Variants in ATP6V1H observed in about 807,000 individuals in gnomAD.
ATP6V1H encodes the protein V-type proton ATPase subunit H.
Under a neutral mutation model 71.7 loss-of-function variants are expected in ATP6V1H, and 39 were observed. The ratio of observed to expected loss-of-function variants is 0.54; its 90% CI spans 0.42 to 0.71. The LOEUF (loss-of-function observed/expected upper bound fraction) is 0.71. ATP6V1H is among the 30% of genes least tolerant of loss of function. ATP6V1H has a pLI of 0.00. For missense variants in ATP6V1H, 509 were observed against 594.9 expected (o/e 0.86, Z 1.50); for synonymous variants, 192 against 199.3 (o/e 0.96, Z 0.31).
At chr8:53,828,147 A>T (rs898424857) in intron 4 of ATP6V1H, among the ~76,000 whole-genome samples, 3 of 152,164 alleles carry the variant, frequency 2.0e-5, no homozygotes, top group African/African-American at 7.2e-5. Flanking sequence ...TGCTGGGTCA[A>T]ATGGTAGTTC....
intron 12 of ATP6V1H, among the ~76,000 whole-genome samples, chr8:53,755,703 TATATATATATATATATATATATATATA>T (rs1807999487): frequency 2.8e-4 from 1 of 3,546 alleles, no homozygotes; most frequent in African/African-American, 9.4e-4. Context: ...TATATATATA[TATATATATATATATATATATATATATA>T]TATATATATA....
chr8:53,781,929 T>C (rs1809150843), intron 9 of ATP6V1H, among the ~76,000 whole-genome samples: 1 of 152,224 alleles, frequency 6.6e-6, no homozygotes, highest in Admixed American at 6.5e-5. Context: ...TACCATGCTG[T>C]TTTGGTTACT....
chr8:53,812,906 G>T (rs1810326967), intron 6 of ATP6V1H, among the ~76,000 whole-genome samples: 1 of 152,078 alleles, frequency 6.6e-6, no homozygotes, highest in Non-Finnish European at 1.5e-5. Context: ...TGTTGCCCAG[G>T]CTGGTCTCAA....
intron 9 of ATP6V1H, among the ~76,000 whole-genome samples, chr8:53,785,921 G>A (rs528717703): frequency 2.2e-4 from 34 of 152,266 alleles, no homozygotes; most frequent in African/African-American, 2.6e-4. Flanking sequence ...AGGAGTACCC[G>A]GCTGTGTGAG....
chr8:53,769,378 A>G (rs1222148043), intron 11 of ATP6V1H, among the ~76,000 whole-genome samples: 1 of 152,166 alleles, frequency 6.6e-6, no homozygotes, highest in Non-Finnish European at 1.5e-5. Context: ...CAACAACTTC[A>G]TGTTCAGAAT....
chr8:53,723,652 A>G (rs540320599), intron 13 of ATP6V1H, among the ~76,000 whole-genome samples: 1 of 152,094 alleles, frequency 6.6e-6, no homozygotes, highest in Admixed American at 6.5e-5. Context: ...GGATCTCCCT[A>G]CCTGGATGTG....
chr8:53,843,022 G>A lies in ATP6V1H; in HGVS notation c.-36+12C>T, dbSNP rs1811395705. On this transcript the variant is annotated intron_variant, in intron 1 of 13. Transcript: ENST00000359530. ...TGCAGCCTGAGACCAAACAACGCGAGGGCGGCCTTACCTCGCGAATCCTCG... is the reference window on the plus strand; with the variant it reads ...TGCAGCCTGAGACCAAACAACGCGAAGGCGGCCTTACCTCGCGAATCCTCG... The A allele has an allele frequency of 6.6e-6, 1 of 152,294 alleles. No individual in the cohort carries two copies. The highest frequency in any genetic ancestry group is 2.4e-5 in the African/African-American group (1 of 41,452). The allele number at this position is 152,294 out of a possible 1,614,324, so 9.4% of individuals were successfully genotyped here. A position where few individuals can be genotyped will look rare whatever the true frequency, so the allele number is the denominator to read the frequency against.
chr8:53,771,867 G>A (rs757535483), intron 10 of ATP6V1H, 122 bp downstream of exon 10: 190 of 815,566 alleles, frequency 2.3e-4, no homozygotes, highest in East Asian at 6.4e-4. Flanking sequence ...AGACATTAAC[G>A]TATTTTAGTG....
intron 9 of ATP6V1H, among the ~76,000 whole-genome samples, chr8:53,784,959 C>A (rs1409549893): frequency 1.3e-5 from 2 of 152,156 alleles, no homozygotes; most frequent in East Asian, 3.9e-4. Context: ...TTCTCTCTGG[C>A]TGCCCTTAAC....
chr8:53,802,395 C>T (rs184693069), intron 7 of ATP6V1H, among the ~76,000 whole-genome samples: 274 of 152,234 alleles, frequency 1.8e-3, no homozygotes, highest in Non-Finnish European at 3.1e-3. Flanking sequence ...AAAAACACTG[C>T]CAAGCACCCT....
rs371081015 is a variant in ATP6V1H, at chr8:53,767,310, CTG to C, written c.1175+2306_1175+2307del. ...AAAACAGGATGTTAGAAACAGGAAACTGTGTGTTGGTGGAGGTAGAGGTAGCA... is the reference window on the plus strand; with the variant it reads ...AAAACAGGATGTTAGAAACAGGAAACTGTGTTGGTGGAGGTAGAGGTAGCA... On this transcript the variant is annotated intron_variant, in intron 11 of 13. Coordinates refer to ENST00000359530, the MANE Select transcript of ATP6V1H (RefSeq NM_015941.4). Among the ~76,000 whole-genome samples the C allele has an allele frequency of 3.7e-3, 563 of 152,262 alleles. 2 individuals carry two copies. The highest frequency in any genetic ancestry group is 0.012 in the African/African-American group (518 of 41,546).
chr8:53,763,876 G>A (rs1808360834), intron 11 of ATP6V1H, among the ~76,000 whole-genome samples: 1 of 152,154 alleles, frequency 6.6e-6, no homozygotes, highest in African/African-American at 2.4e-5. Context: ...AACACTTAAA[G>A]GGTAACTGAC....
At chr8:53,744,744 A>G (rs1807541916) in intron 12 of ATP6V1H, among the ~76,000 whole-genome samples, 2 of 152,204 alleles carry the variant, frequency 1.3e-5, no homozygotes, top group South Asian at 4.1e-4. Flanking sequence ...AAAAGAACAT[A>G]ATGTAACTAT....
At chr8:53,770,343 C>T (rs1808610284) in intron 10 of ATP6V1H, among the ~76,000 whole-genome samples, 1 of 152,084 alleles carries the variant, frequency 6.6e-6, no homozygotes, top group Admixed American at 6.5e-5. Flanking sequence ...AATTTAAAAA[C>T]CATTCACTGG....
intron 12 of ATP6V1H, among the ~76,000 whole-genome samples, chr8:53,744,208 A>T (rs1266573331): frequency 6.6e-6 from 1 of 151,868 alleles, no homozygotes; most frequent in Admixed American, 6.6e-5. Context: ...TAAGATATCC[A>T]CCCCTTTGTA....
At chr8:53,746,103 G>A (rs143533623) in intron 12 of ATP6V1H, among the ~76,000 whole-genome samples, 257 of 152,146 alleles carry the variant, frequency 1.7e-3, no homozygotes, top group African/African-American at 5.9e-3. Flanking sequence ...CCCCACGTTG[G>A]GCACTGTGCT....
At chr8:53,802,935 G>A (rs1162936322) in intron 7 of ATP6V1H, among the ~76,000 whole-genome samples, 1 of 152,178 alleles carries the variant, frequency 6.6e-6, no homozygotes, top group Non-Finnish European at 1.5e-5. Context: ...ATAAACAGGA[G>A]TAATACTCCC....
In ATP6V1H at chr8:53,760,406, A is replaced by G. The variant is rs150237623; in HGVS notation, c.1176-3750T>C. On this transcript the variant is annotated intron_variant, in intron 11 of 13. Transcript: ENST00000359530. ...CCAGCCCAAGGGAAACATCGAGGGA[A>G]GAGAAATGGAAACCCCGGAACTATG... 2.2e-3 allele frequency among the ~76,000 whole-genome samples: 333 copies of G among 152,322 alleles called. 2 individuals are homozygous for G. The highest frequency in any genetic ancestry group is 7.8e-3 in the African/African-American group (323 of 41,570).
intron 12 of ATP6V1H, among the ~76,000 whole-genome samples, chr8:53,749,393 G>A (rs1236556515): frequency 1.3e-5 from 2 of 152,128 alleles, no homozygotes; most frequent in Non-Finnish European, 2.9e-5. Flanking sequence ...GGGCTGGCCA[G>A]GCTGAATCAC....
Sources: allele counts gnomAD v4.1 joint callset (sites outside exome capture counted in the v4.1 genomes callset), GRCh38; gene constraint gnomAD v4.1.1; transcripts MANE v1.5; gene names NCBI Gene and HGNC (gene_info 2026-07-23, HGNC 2026-07-21).